Variants in KCNH7 observed in about 807,000 individuals in gnomAD.
KCNH7 encodes the protein potassium voltage-gated channel subfamily H member 7, also known as voltage-gated inwardly rectifying potassium channel KCNH7.
Under a neutral mutation model 120.8 loss-of-function variants are expected in KCNH7, and 49 were observed. The ratio of observed to expected loss-of-function variants is 0.41; its 90% CI spans 0.32 to 0.51. The LOEUF (loss-of-function observed/expected upper bound fraction) is 0.51. Ranked by LOEUF, KCNH7 falls within the 20% of genes least tolerant of loss-of-function variation. KCNH7 has a pLI of 0.38. For synonymous variants in KCNH7, 547 were observed against 516.1 expected (o/e 1.06, Z -0.81); for missense variants, 1,097 against 1,446.6 (o/e 0.76, Z 3.92).
At chr2:162,830,935 A>AT (rs771633332) in intron 2 of KCNH7, among the ~76,000 whole-genome samples, 7 of 152,174 alleles carry the variant, frequency 4.6e-5, no homozygotes, top group Admixed American at 6.5e-5. Flanking sequence ...GCTCTAAGGT[A>AT]TTTTGTTATC....
At chr2:162,378,386 G>A (rs956714215) in intron 14 of KCNH7, among the ~76,000 whole-genome samples, 1 of 152,180 alleles carries the variant, frequency 6.6e-6, no homozygotes, top group South Asian at 2.1e-4. Context: ...AATAACTGCT[G>A]CTTCTGTCAT....
At chr2:162,737,668 T>C (rs929171020) in intron 2 of KCNH7, among the ~76,000 whole-genome samples, 14 of 152,130 alleles carry the variant, frequency 9.2e-5, no homozygotes, top group Admixed American at 3.3e-4. Context: ...CACAAACACT[T>C]TACTGAGTCC....
At chr2:162,457,948 A>G (rs1022079599) in intron 6 of KCNH7, among the ~76,000 whole-genome samples, 2 of 152,184 alleles carry the variant, frequency 1.3e-5, no homozygotes, top group South Asian at 4.1e-4. Context: ...TTCAAATTAT[A>G]AGATGGAAAA....
intron 2 of KCNH7, among the ~76,000 whole-genome samples, chr2:162,758,713 T>C (rs1306973502): frequency 2.0e-5 from 3 of 152,260 alleles, no homozygotes; most frequent in South Asian, 2.1e-4. Flanking sequence ...TTATTTCCTA[T>C]ACCAAAGGCT....
intron 2 of KCNH7, among the ~76,000 whole-genome samples, chr2:162,653,961 A>G (rs1287000599): frequency 6.6e-6 from 1 of 152,090 alleles, no homozygotes; most frequent in East Asian, 1.9e-4. Flanking sequence ...ATAAAATTAG[A>G]CCCTTAAATC....
chr2:162,607,254 G>A (rs956982965), intron 2 of KCNH7, among the ~76,000 whole-genome samples: 14 of 151,422 alleles, frequency 9.2e-5, no homozygotes, highest in African/African-American at 3.4e-4. Flanking sequence ...GCCGAGCATG[G>A]TGCTGCGCAC....
At chr2:162,454,244 G>A (rs1170513894) in intron 6 of KCNH7, among the ~76,000 whole-genome samples, 5 of 151,880 alleles carry the variant, frequency 3.3e-5, no homozygotes, top group African/African-American at 9.7e-5. Flanking sequence ...CAGGTTTGTC[G>A]AATATCAGGT....
intron 2 of KCNH7, among the ~76,000 whole-genome samples, chr2:162,548,628 C>T (rs1198094776): frequency 6.6e-6 from 1 of 151,948 alleles, no homozygotes; most frequent in Non-Finnish European, 1.5e-5. Flanking sequence ...TATTTGTTCC[C>T]TGGGTCCATG....
chr2:162,418,677 C>G (rs894089139), intron 9 of KCNH7, among the ~76,000 whole-genome samples: 16 of 152,042 alleles, frequency 1.1e-4, no homozygotes, highest in African/African-American at 3.6e-4. Flanking sequence ...TAGGATTAGA[C>G]TGTAGGTGCA....
intron 2 of KCNH7, among the ~76,000 whole-genome samples, chr2:162,588,961 C>T (rs1257586562): frequency 6.6e-6 from 1 of 152,074 alleles, no homozygotes; most frequent in Non-Finnish European, 1.5e-5. Context: ...TCAAGGAGCA[C>T]AGCCTGGCTA....
intron 2 of KCNH7, among the ~76,000 whole-genome samples, chr2:162,729,092 T>C (rs1687627796): frequency 6.6e-6 from 1 of 151,982 alleles, no homozygotes. Context: ...CCCATATATA[T>C]GTACATCTGT....
chr2:162,771,729 T>A (rs909305407), intron 2 of KCNH7, among the ~76,000 whole-genome samples: 3 of 152,122 alleles, frequency 2.0e-5, no homozygotes, highest in Admixed American at 2.0e-4. Context: ...AAGTTGGATT[T>A]TTTTCCTAGC....
At chr2:162,590,232 T>C (rs1335478298) in intron 2 of KCNH7, among the ~76,000 whole-genome samples, 1 of 152,032 alleles carries the variant, frequency 6.6e-6, no homozygotes, top group Non-Finnish European at 1.5e-5. Context: ...TTTTAGAAAG[T>C]TCCCAACCAC....
intron 2 of KCNH7, among the ~76,000 whole-genome samples, chr2:162,798,710 C>T (rs1171233326): frequency 6.6e-6 from 1 of 151,912 alleles, no homozygotes; most frequent in African/African-American, 2.4e-5. Context: ...TAAAATATTG[C>T]CTTAAAACTG....
chr2:162,571,405 C>T (rs1025811598), intron 2 of KCNH7, among the ~76,000 whole-genome samples: 2 of 149,012 alleles, frequency 1.3e-5, no homozygotes, highest in Non-Finnish European at 3.0e-5. Flanking sequence ...AGGATACAAA[C>T]AAATGGAAGA....
At chr2:162,668,166 T>C (rs1427164268) in intron 2 of KCNH7, among the ~76,000 whole-genome samples, 2 of 152,126 alleles carry the variant, frequency 1.3e-5, no homozygotes, top group East Asian at 3.9e-4. Flanking sequence ...GAAGCCAAAA[T>C]AAGGGAAAGG....
At chr2:162,553,965 C>T (rs552227362) in intron 2 of KCNH7, among the ~76,000 whole-genome samples, 2 of 152,312 alleles carry the variant, frequency 1.3e-5, no homozygotes, top group East Asian at 3.9e-4. Context: ...TGGTAACAAT[C>T]TTAGAATCTA....
chr2:162,760,270 A>G (rs1181933734), intron 2 of KCNH7, among the ~76,000 whole-genome samples: 2 of 152,124 alleles, frequency 1.3e-5, no homozygotes, highest in Non-Finnish European at 2.9e-5. Context: ...ACAAAAAACA[A>G]TACTTTGCTC....
intron 2 of KCNH7, among the ~76,000 whole-genome samples, chr2:162,553,420 C>T (rs954773778): frequency 6.6e-6 from 1 of 152,228 alleles, no homozygotes; most frequent in Non-Finnish European, 1.5e-5. Context: ...AAGGCTGAGG[C>T]GGGCAGATCA....
Sources: gnomAD v4.1 joint callset for allele counts (sites outside exome capture counted in the v4.1 genomes callset) on GRCh38, gnomAD v4.1.1 for gene constraint, MANE v1.5 for transcripts, NCBI Gene and HGNC (gene_info 2026-07-23, HGNC 2026-07-21) for gene names.